PIP5K1C: variants seen among roughly 807,000 people sequenced by gnomAD.
The protein encoded by PIP5K1C is phosphatidylinositol 4-phosphate 5-kinase type-1 gamma.
Under a neutral mutation model 80.1 loss-of-function variants are expected in PIP5K1C, and 45 were observed. That is an observed-to-expected ratio of 0.56 (90% CI 0.44 to 0.72). The LOEUF (loss-of-function observed/expected upper bound fraction) is 0.72. Ranked by LOEUF, PIP5K1C falls within the 30% of genes least tolerant of loss-of-function variation. The pLI is 0.00. For synonymous variants in PIP5K1C, 498 were observed against 420.1 expected (o/e 1.19, Z -2.27); for missense variants, 753 against 954.6 (o/e 0.79, Z 2.78).
At position 3,666,248 on chromosome 19, in the gene PIP5K1C, C is replaced by T. The variant is rs888794499; in HGVS notation, c.126+1074G>A. 5.3e-5 allele frequency among the ~76,000 whole-genome samples: 8 copies of T among 152,350 alleles called. No individual in the cohort carries two copies. The East Asian group carries it at 1.4e-3, about 26-fold the overall frequency. On this transcript the variant is annotated intron_variant, in intron 2 of 17. Transcript: ENST00000335312. ...TGCTCCTGTGAATGGGGCTCATGGA[C>T]AGGTGCCCTGAGGACTGCATGCGGG...
At chr19:3,698,374 A>G (rs1177942798) in intron 1 of PIP5K1C, among the ~76,000 whole-genome samples, 4 of 152,238 alleles carry the variant, frequency 2.6e-5, no homozygotes, top group African/African-American at 9.6e-5. Context: ...GGAGGGGGAC[A>G]TCGGCGGGAC....
chr19:3,659,810 G>A (rs1329400123), intron 5 of PIP5K1C, among the ~76,000 whole-genome samples: 1 of 152,192 alleles, frequency 6.6e-6, no homozygotes, highest in African/African-American at 2.4e-5. Context: ...CCTACAGACT[G>A]AGATAAACCA....
At chr19:3,651,444 C>G (rs540959999) in intron 8 of PIP5K1C, among the ~76,000 whole-genome samples, 1 of 152,358 alleles carries the variant, frequency 6.6e-6, no homozygotes, top group African/African-American at 2.4e-5. Flanking sequence ...CTCGCCCGAT[C>G]CCTCTGGCCT....
intron 1 of PIP5K1C, among the ~76,000 whole-genome samples, chr19:3,697,314 G>A (rs77482905): frequency 0.17 from 19,031 of 114,312 alleles, 1,665 homozygotes; most frequent in Admixed American, 0.31. Context: ...AGGAGGACTG[G>A]GCCGGACGGA....
At chr19:3,697,292 C>T (rs1387856178) in intron 1 of PIP5K1C, among the ~76,000 whole-genome samples, 2 of 132,462 alleles carry the variant, frequency 1.5e-5, no homozygotes, top group South Asian at 5.1e-4. Context: ...GATAGAGGAC[C>T]GAGCCGGATG....
At chr19:3,668,910 G>A (rs1439646785) in intron 1 of PIP5K1C, among the ~76,000 whole-genome samples, 1 of 152,194 alleles carries the variant, frequency 6.6e-6, no homozygotes, top group African/African-American at 2.4e-5. Context: ...CACGCTGCAC[G>A]GATAACAGCA....
chr19:3,645,144 G>A (rs374319867), intron 11 of PIP5K1C, among the ~76,000 whole-genome samples: 22 of 151,370 alleles, frequency 1.5e-4, no homozygotes, highest in African/African-American at 2.9e-4. Context: ...GCCTGCAAGC[G>A]CTGGGCACTG....
chr19:3,697,819 G>A (rs143673135), intron 1 of PIP5K1C, among the ~76,000 whole-genome samples: 17 of 152,278 alleles, frequency 1.1e-4, no homozygotes, highest in East Asian at 3.9e-4. Context: ...ACAGGCCATC[G>A]GCCCACACAG....
Position 3,648,093 on chromosome 19 carries a change from C to A in PIP5K1C, c.1211+532G>T, listed in dbSNP as rs1330778109. The stretch of plus-strand genomic sequence containing the variant: ...CTGGGGTGCAGTACGGCCATCATAG[C>A]TCACTGCTGCAGCCCCAGACTCCTG... On this transcript the variant is annotated intron_variant, in intron 9 of 17. Coordinates refer to ENST00000335312, the MANE Select transcript of PIP5K1C (RefSeq NM_012398.3). This position sits in a 1 kb window ranked among gnomAD's most constrained non-coding sequence, Gnocchi z 4.3. Among the ~76,000 whole-genome samples the A allele has an allele frequency of 1.3e-5, 2 of 152,108 alleles. No homozygotes were observed. Among genetic ancestry groups the A allele is most frequent in the Non-Finnish European group, 2.9e-5 (2 of 68,006 alleles).
intron 1 of PIP5K1C, among the ~76,000 whole-genome samples, chr19:3,676,326 G>C (rs1206849458): frequency 6.6e-6 from 1 of 152,144 alleles, no homozygotes; most frequent in Non-Finnish European, 1.5e-5. Flanking sequence ...CTGTCACCCG[G>C]TACATCCGCG....
At chr19:3,690,504 A>AG (rs2145608014) in intron 1 of PIP5K1C, among the ~76,000 whole-genome samples, 1 of 151,984 alleles carries the variant, frequency 6.6e-6, no homozygotes, top group Non-Finnish European at 1.5e-5. Flanking sequence ...AAAAGAATTG[A>AG]AATGTGAACA....
chr19:3,643,424 C>A (rs1236978722), intron 12 of PIP5K1C, 43 bp from the exon 13 acceptor site: 1 of 1,610,080 alleles, frequency 6.2e-7, no homozygotes. Context: ...GCCTCCGAGC[C>A]CCCAAACACA....
intron 14 of PIP5K1C, 72 bp downstream of exon 14, chr19:3,642,835 G>T: frequency 1.6e-6 from 2 of 1,235,306 alleles, no homozygotes; most frequent in South Asian, 1.2e-5. Flanking sequence ...GGGCTGGGGG[G>T]CGGGAAACGG....
intron 1 of PIP5K1C, among the ~76,000 whole-genome samples, chr19:3,695,637 G>A (rs2036078995): frequency 6.6e-6 from 1 of 152,186 alleles, no homozygotes; most frequent in Non-Finnish European, 1.5e-5. Flanking sequence ...GGCCAGGGCG[G>A]GAGAGAATGG....
At chr19:3,643,159 GATGCCCCGCCCACATGCAGTGA>G (rs973155570) in intron 13 of PIP5K1C, 62 bp downstream of exon 13, 169 of 1,593,446 alleles carry the variant, frequency 1.1e-4, no homozygotes, top group Admixed American at 2.7e-4. Context: ...ATGCACAGCG[GATGCCCCGCCCACATGCAGTGA>G]ATGCCCCGCC....
At chr19:3,672,075 G>A (rs1034375029) in intron 1 of PIP5K1C, among the ~76,000 whole-genome samples, 2 of 152,160 alleles carry the variant, frequency 1.3e-5, no homozygotes, top group Non-Finnish European at 2.9e-5. Flanking sequence ...GTGGCGACCC[G>A]GGCCTGCGGT....
chr19:3,647,454 G>T (rs1223891854), intron 9 of PIP5K1C, 68 bp from the exon 10 acceptor site: 3 of 1,340,838 alleles, frequency 2.2e-6, no homozygotes, highest in Non-Finnish European at 3.1e-6. Context: ...CTCACTCAGG[G>T]GCCACTGTGC....
At chr19:3,660,866 C>A (rs1395387174) in intron 5 of PIP5K1C, 100 bp downstream of exon 5, 2 of 895,764 alleles carry the variant, frequency 2.2e-6, no homozygotes, top group African/African-American at 1.6e-5. Context: ...ACACGAGGAA[C>A]CCAGGGAGGC....
In PIP5K1C at chr19:3,688,622, C is replaced by T. The variant is rs906216252; in HGVS notation, c.94+11675G>A. ...GATTCTGCTGCTGAAATTGCCCCCCCAGGCATTGTCCTCAGGTGGTTTCGT... is the reference window on the plus strand; with the variant it reads ...GATTCTGCTGCTGAAATTGCCCCCCTAGGCATTGTCCTCAGGTGGTTTCGT... On this transcript the variant is annotated intron_variant, in intron 1 of 17. Coordinates refer to ENST00000335312, the MANE Select transcript of PIP5K1C (RefSeq NM_012398.3). The surrounding 1 kb of genome is among the most constrained non-coding windows in gnomAD (Gnocchi z 5.3). Among the ~76,000 whole-genome samples the T allele has an allele frequency of 6.6e-6, 1 of 152,172 alleles. No individual in the cohort carries two copies. Among genetic ancestry groups the T allele is most frequent in the African/African-American group, 2.4e-5 (1 of 41,424 alleles).
Sources: allele counts gnomAD v4.1 joint callset (sites outside exome capture counted in the v4.1 genomes callset), GRCh38; gene constraint gnomAD v4.1.1; non-coding constraint Gnocchi (gnomAD v3.1); transcripts MANE v1.5; gene names NCBI Gene and HGNC (gene_info 2026-07-23, HGNC 2026-07-21).